INO80: variants seen among roughly 807,000 people sequenced by gnomAD.
INO80 encodes chromatin-remodeling ATPase INO80.
In INO80, 20 loss-of-function variants were observed where a neutral mutation model predicts 203.4. That is an observed-to-expected ratio of 0.10 (90% CI 0.07 to 0.14). The LOEUF (loss-of-function observed/expected upper bound fraction) is 0.14, where lower values mean the gene tolerates loss of function less well. Among genes scored for constraint, INO80 ranks in the 10% least tolerant of loss-of-function variants. The pLI is 1.00. For missense variants in INO80, 1,419 were observed against 1,914.4 expected, an observed-to-expected ratio of 0.74 and a Z score of 4.83; for synonymous variants, 726 against 685.2, an observed-to-expected ratio of 1.06 and a Z score of -0.93.
At chr15:41,030,950 G>A (rs773637363) in intron 24 of INO80, among the ~76,000 whole-genome samples, 4 of 152,176 alleles carry the variant, frequency 2.6e-5, no homozygotes, top group African/African-American at 4.8e-5. Context: ...GATTACAGGC[G>A]TGAGCCACTG....
intron 27 of INO80, among the ~76,000 whole-genome samples, chr15:41,007,587 C>A (rs1385266251): frequency 6.6e-6 from 1 of 151,782 alleles, no homozygotes; most frequent in Non-Finnish European, 1.5e-5. Context: ...GCCAGCACAA[C>A]CCCGGGGATA....
intron 11 of INO80, among the ~76,000 whole-genome samples, chr15:41,072,676 T>C (rs1185839760): frequency 7.0e-6 from 1 of 142,698 alleles, no homozygotes; most frequent in Non-Finnish European, 1.5e-5. Context: ...AATAAATAAA[T>C]AAATAACAAA....
At chr15:41,003,417 A>G (rs1456800087) in intron 28 of INO80, among the ~76,000 whole-genome samples, 1 of 137,910 alleles carries the variant, frequency 7.3e-6, no homozygotes, top group African/African-American at 2.6e-5. Flanking sequence ...CTAACCTCCA[A>G]CTCCCGAATT....
chr15:41,054,886 C>T (rs940474946), intron 18 of INO80, among the ~76,000 whole-genome samples: 1 of 152,178 alleles, frequency 6.6e-6, no homozygotes, highest in African/African-American at 2.4e-5. Flanking sequence ...GATCCGCCCA[C>T]CTTAGCCTCC....
chr15:41,077,553 T>A (rs1312544548), intron 9 of INO80, among the ~76,000 whole-genome samples: 1 of 152,158 alleles, frequency 6.6e-6, no homozygotes, highest in African/African-American at 2.4e-5. Flanking sequence ...TAAAGTGCTA[T>A]CAAGAAAATC....
intron 24 of INO80, among the ~76,000 whole-genome samples, chr15:41,041,429 T>C (rs961182855): frequency 2.7e-5 from 4 of 150,102 alleles, no homozygotes; most frequent in Non-Finnish European, 5.9e-5. Flanking sequence ...GAGCTTCTAG[T>C]TCTTTTTTTT....
intron 27 of INO80, among the ~76,000 whole-genome samples, chr15:41,012,561 T>TTAAAAAAAAAA (rs552096950): frequency 7.7e-5 from 7 of 90,846 alleles, no homozygotes; most frequent in East Asian, 7.4e-4. Flanking sequence ...AGACTCTTTT[T>TTAAAAAAAAAA]AAAAAAAAAA....
chr15:41,076,783 A>G (rs1433629195), intron 9 of INO80, among the ~76,000 whole-genome samples: 1 of 152,206 alleles, frequency 6.6e-6, no homozygotes, highest in Non-Finnish European at 1.5e-5. Flanking sequence ...AAGAAAAATA[A>G]TCATTGTGTC....
intron 26 of INO80, among the ~76,000 whole-genome samples, chr15:41,020,165 G>C (rs2044269072): frequency 6.6e-6 from 1 of 152,042 alleles, no homozygotes; most frequent in Non-Finnish European, 1.5e-5. Context: ...GGCTTGCAGT[G>C]AGCCGAGATC....
intron 8 of INO80, 61 bp from the exon 9 acceptor site, chr15:41,079,965 G>T: frequency 7.1e-7 from 1 of 1,408,336 alleles, no homozygotes; most frequent in Non-Finnish European, 1.0e-6. Flanking sequence ...GTTCTTCCTG[G>T]ACTCTAAACC....
At position 41,021,225 on chromosome 15, in the gene INO80, T is replaced by C. The variant is rs149206906; in HGVS notation, c.3049-100A>G. 2.2e-4 allele frequency: 163 copies of C among 747,162 alleles called. No homozygotes were observed. In the African/African-American group the frequency reaches 2.5e-3, roughly 11 times the overall value. 46.3% of individuals were successfully genotyped at this position (747,162 alleles called of 1,614,324 possible). ...TTGAAATCAGACTAATGTGGATAGT[T>C]CTTAGACTAGTGGTTTTAAATATCT... On this transcript the variant is annotated intron_variant, in intron 25 of 35. Coordinates refer to ENST00000648947, the MANE Select transcript of INO80 (RefSeq NM_017553.3).
At chr15:41,114,287 CA>C (rs2045997609) in intron 1 of INO80, among the ~76,000 whole-genome samples, 1 of 147,276 alleles carries the variant, frequency 6.8e-6, no homozygotes, top group African/African-American at 2.5e-5. Flanking sequence ...AAAAAAAAAA[CA>C]TTCATTTTAA....
At chr15:41,026,991 G>C (rs967316537) in intron 25 of INO80, among the ~76,000 whole-genome samples, 3 of 152,230 alleles carry the variant, frequency 2.0e-5, no homozygotes, top group African/African-American at 7.2e-5. Flanking sequence ...TAGAAACTAA[G>C]CCCAATCTGC....
chr15:41,057,588 G>A (rs2045011340), intron 16 of INO80, among the ~76,000 whole-genome samples: 1 of 151,992 alleles, frequency 6.6e-6, no homozygotes, highest in African/African-American at 2.4e-5. Flanking sequence ...CCTGAGGTCA[G>A]GAGTTCGAGA....
At chr15:41,086,415 C>T (rs2045566177) in intron 6 of INO80, among the ~76,000 whole-genome samples, 1 of 152,082 alleles carries the variant, frequency 6.6e-6, no homozygotes, top group Non-Finnish European at 1.5e-5. Context: ...CTTTGAGAGG[C>T]CAAGGCAGGC....
In INO80 at chr15:41,066,507, C is replaced by CA. The variant is rs557425849; in HGVS notation, c.1782+3062dup. Among the ~76,000 whole-genome samples the CA allele has an allele frequency of 1.1e-3, 165 of 151,176 alleles. 3 individuals carry two copies. In the South Asian group the frequency reaches 0.034, roughly 31 times the overall value. The stretch of plus-strand genomic sequence containing the variant: ...ATACTATGTTCTATGTATTTTGTCA[C>CA]AATAAAAAATATATTGGGGCACTAG... On this transcript the variant is annotated intron_variant, in intron 14 of 35. Coordinates refer to ENST00000648947, the MANE Select transcript of INO80 (RefSeq NM_017553.3).
intron 31 of INO80, among the ~76,000 whole-genome samples, chr15:40,986,422 T>TC (rs1338064364): frequency 6.7e-6 from 1 of 150,214 alleles, no homozygotes; most frequent in Non-Finnish European, 1.5e-5. Context: ...CCTCCTAGCT[T>TC]CAAGGGATTC....
At chr15:41,027,244 C>T (rs901685441) in intron 25 of INO80, among the ~76,000 whole-genome samples, 1 of 152,148 alleles carries the variant, frequency 6.6e-6, no homozygotes, top group Non-Finnish European at 1.5e-5. Context: ...CATGAAAACC[C>T]TCAAAACCTC....
Position 41,059,869 on chromosome 15 carries a change from G to T in INO80, c.1840C>A (p.Gln614Lys). The part of the protein sequence containing the change: ...DRKVIRRFWS[Q>K]KTLYTQDAPF... ...ATGCAGTTTAAGTAGAATGTTACCT[G>T]ACTCCAGAACCTTCTGATGACTTTT... is the stretch of plus-strand genomic sequence containing the variant. Residue 614 changes from glutamine to lysine, a missense_variant and splice_region_variant, in exon 15 of 36, where the codon CAG becomes AAG. Around this residue, in one of 9 missense-constraint regions of INO80, gnomAD observed 192 missense variants for 406.7 expected, o/e 0.47. Transcript: ENST00000648947. 1 of 1,605,570 alleles carries T rather than the reference G, an allele frequency of 6.2e-7. No individual in the cohort carries two copies. The highest frequency in any genetic ancestry group is 8.5e-7 in the Non-Finnish European group (1 of 1,173,404).
Sources: gnomAD v4.1 joint callset for allele counts (sites outside exome capture counted in the v4.1 genomes callset) on GRCh38, gnomAD v4.1.1 for gene constraint, gnomAD v4.1.1 regional missense constraint, MANE v1.5 for transcripts, NCBI Gene and HGNC (gene_info 2026-07-23, HGNC 2026-07-21) for gene names.